Variants in ZNF169 observed in about 807,000 individuals in gnomAD.
ZNF169 encodes the protein zinc finger protein 169.
ZNF169 carries 11 observed loss-of-function variants against 12.0 expected under a neutral mutation model. The ratio of observed to expected loss-of-function variants is 0.92; its 90% CI spans 0.58 to 1.52. The LOEUF is 1.52. Among genes scored for constraint, ZNF169 ranks in the 40% most tolerant of loss-of-function variants. The pLI, the probability that ZNF169 is intolerant of heterozygous loss-of-function variation, is 0.00. For missense variants in ZNF169, 722 were observed against 744.0 expected, an observed-to-expected ratio of 0.97 and a Z score of 0.34; for synonymous variants, 302 against 286.5, an observed-to-expected ratio of 1.05 and a Z score of -0.55.
intron 2 of ZNF169, chr9:94,288,369 C>A: frequency 8.1e-7 from 1 of 1,231,668 alleles, no homozygotes. Context: ...TCCATCTGTA[C>A]TTGGTTTCCA....
intron 1 of ZNF169, among the ~76,000 whole-genome samples, chr9:94,270,249 G>A (rs1046442210): frequency 6.6e-6 from 1 of 152,054 alleles, no homozygotes; most frequent in Admixed American, 6.6e-5. Flanking sequence ...CGAGAATTCT[G>A]TTGCCTCATT....
intron 2 of ZNF169, among the ~76,000 whole-genome samples, chr9:94,290,592 G>A (rs978142910): frequency 6.6e-6 from 1 of 152,168 alleles, no homozygotes; most frequent in East Asian, 1.9e-4. Flanking sequence ...TTTTAAGGCT[G>A]AAAAATACTC....
At chr9:94,286,681 AG>A (rs1830724838) in intron 2 of ZNF169, among the ~76,000 whole-genome samples, 1 of 152,228 alleles carries the variant, frequency 6.6e-6, no homozygotes, top group South Asian at 2.1e-4. Context: ...ATATGACAGA[AG>A]TCCAGTTTAG....
At chr9:94,268,285 G>T (rs184753218) in intron 1 of ZNF169, among the ~76,000 whole-genome samples, 9 of 152,054 alleles carry the variant, frequency 5.9e-5, no homozygotes, top group African/African-American at 1.2e-4. Context: ...TAACTCTGTG[G>T]TACAAAATAA....
At position 94,300,389 on chromosome 9, in the gene ZNF169, C is replaced by T; in HGVS notation, c.831C>T (p.Leu277=). The T allele has an allele frequency of 6.2e-7, 1 of 1,613,876 alleles. No individual in the cohort carries two copies. Among genetic ancestry groups the T allele is most frequent in the Non-Finnish European group, 8.5e-7 (1 of 1,179,960 alleles). The change falls in exon 5 of 5, where the codon CTC becomes CTT. Residue 277 remains leucine (L), a synonymous_variant. Transcript: ENST00000395395. ...CGRRFSQKAS[L]SIHQRKHSGE... ...GTCGGTTTAGCCAGAAGGCCTCCCT[C>T]TCCATACACCAGAGGAAGCACTCGG... is the stretch of plus-strand genomic sequence containing the variant.
At position 94,278,751 on chromosome 9, in the gene ZNF169, T is replaced by A; in HGVS notation, c.-55-7T>A. On this transcript the variant is annotated splice_polypyrimidine_tract_variant and splice_region_variant and intron_variant, in intron 1 of 4. Transcript: ENST00000395395. ...GTACCTCTCTCACTTCTCATCTCTT[T>A]CCCCAGATTTGCCTCTGCAACTTGA... The A allele has an allele frequency of 6.5e-7, 1 of 1,540,754 alleles. No individual in the cohort carries two copies. Among genetic ancestry groups the A allele is most frequent in the Admixed American group, 1.7e-5 (1 of 59,174 alleles).
chr9:94,292,932 C>T (rs1475044228), intron 3 of ZNF169, 42 bp from the exon 4 acceptor site: 1 of 1,541,834 alleles, frequency 6.5e-7, no homozygotes. Context: ...CCTCTTAAGC[C>T]ACTAACTCAA....
At chr9:94,280,960 G>A (rs568140512) in intron 2 of ZNF169, among the ~76,000 whole-genome samples, 80 of 152,248 alleles carry the variant, frequency 5.3e-4, no homozygotes, top group South Asian at 1.2e-3. Context: ...GCAAGGGGGC[G>A]AAGAGAACCA....
At chr9:94,281,187 A>G (rs951750717) in intron 2 of ZNF169, among the ~76,000 whole-genome samples, 11 of 152,340 alleles carry the variant, frequency 7.2e-5, no homozygotes, top group Middle Eastern at 3.4e-3. Context: ...ATAAAGGGAA[A>G]GAGGTTTGTT....
intron 2 of ZNF169, among the ~76,000 whole-genome samples, chr9:94,279,273 C>A (rs12344865): frequency 0.2 from 29,641 of 151,864 alleles, 3,214 homozygotes; most frequent in East Asian, 0.39. Context: ...CGCCTGTAAT[C>A]CCAGCTACTA....
intron 1 of ZNF169, among the ~76,000 whole-genome samples, chr9:94,272,738 G>C (rs1830445411): frequency 6.6e-6 from 1 of 152,118 alleles, no homozygotes; most frequent in Admixed American, 6.5e-5. Context: ...CCAGAAGTTG[G>C]ATTACAGGAT....
chr9:94,270,742 G>T (rs186673828), intron 1 of ZNF169, among the ~76,000 whole-genome samples: 2 of 73,720 alleles, frequency 2.7e-5, no homozygotes, highest in East Asian at 4.4e-4. Flanking sequence ...TATAATTAAT[G>T]TATTTATATA....
At chr9:94,287,914 C>A in intron 2 of ZNF169, 1 of 948,168 alleles carries the variant, frequency 1.1e-6, no homozygotes, top group Non-Finnish European at 1.7e-6. Flanking sequence ...TTACTGTTTC[C>A]TGCTGTCCAG....
chr9:94,288,338 TA>T, intron 2 of ZNF169: 1 of 1,021,078 alleles, frequency 9.8e-7, no homozygotes, highest in Non-Finnish European at 1.5e-6. Flanking sequence ...TATTTCTCTG[TA>T]AATGCCAGGC....
At chr9:94,294,059 T>C (rs1166196551) in intron 4 of ZNF169, 9 of 152,248 alleles carry the variant, frequency 5.9e-5, no homozygotes, top group Non-Finnish European at 1.3e-4. Context: ...ATAATGTTAT[T>C]AAGTTGTTTC....
At position 94,301,213 on chromosome 9, in the gene ZNF169, G is replaced by C; in HGVS notation, c.1655G>C (p.Gly552Ala). The C allele has an allele frequency of 2.5e-6, 4 of 1,614,140 alleles. No homozygotes were observed. The highest frequency in any genetic ancestry group is 3.4e-6 in the Non-Finnish European group (4 of 1,180,032). Residue 552 changes from glycine to alanine, a missense_variant, in exon 5 of 5, where the codon GGC becomes GCC. Physicochemically the swap from Gly to Ala is moderately conservative, Grantham distance 60. Coordinates refer to ENST00000395395, the MANE Select transcript of ZNF169 (RefSeq NM_194320.4). Reference sequence around the variant, plus strand: ...TGCGATGAATGTGGGCGCGGCTTTGGCTTTAAGTCTGCCCTCATCCGACAT... The same window carrying C: ...TGCGATGAATGTGGGCGCGGCTTTGCCTTTAAGTCTGCCCTCATCCGACAT... ...CICDECGRGF[G>A]FKSALIRHQR...
intron 1 of ZNF169, among the ~76,000 whole-genome samples, chr9:94,270,727 TA>T (rs1434871993): frequency 1.0e-4 from 2 of 19,110 alleles, no homozygotes; most frequent in Non-Finnish European, 4.7e-4. Flanking sequence ...TAATATTATA[TA>T]TTATATAATT....
At chr9:94,288,529 C>T (rs1830762941) in intron 2 of ZNF169, 1 of 561,842 alleles carries the variant, frequency 1.8e-6, no homozygotes, top group South Asian at 1.6e-5. Flanking sequence ...GACAGGATCT[C>T]ATATGTGAGT....
chr9:94,292,642 C>CGCGT (rs1554715605), intron 3 of ZNF169, 175 bp downstream of exon 3: 9 of 453,750 alleles, frequency 2.0e-5, no homozygotes, highest in African/African-American at 1.9e-4. Context: ...TGTGTGTGTG[C>CGCGT]GCGTGCACAT....
Sources: allele counts gnomAD v4.1 joint callset (sites outside exome capture counted in the v4.1 genomes callset), GRCh38; gene constraint gnomAD v4.1.1; transcripts MANE v1.5; gene names NCBI Gene and HGNC (gene_info 2026-07-23, HGNC 2026-07-21).